DPP9: variants seen among roughly 807,000 people sequenced by gnomAD.
DPP9 encodes the protein dipeptidyl peptidase IV-related protein-2.
Under a neutral mutation model 110.7 loss-of-function variants are expected in DPP9, and 50 were observed. That is an observed-to-expected ratio of 0.45 (90% CI 0.36 to 0.57). The LOEUF is 0.57. Ranked by LOEUF, DPP9 falls within the 20% of genes least tolerant of loss-of-function variation. The pLI is 0.00. For synonymous variants in DPP9, 561 were observed against 514.4 expected, an observed-to-expected ratio of 1.09 and a Z score of -1.23; for missense variants, 1,022 against 1,217.9, an observed-to-expected ratio of 0.84 and a Z score of 2.39.
rs1429342057 is a variant in DPP9 at position 4,679,756 on chromosome 19, C to T, written c.2586+79G>A. 5 of 1,138,528 alleles carry T rather than the reference C, an allele frequency of 4.4e-6. No homozygotes were observed. The Admixed American group carries it at 1.0e-4, about 23-fold the overall frequency. 70.5% of individuals were successfully genotyped at this position (1,138,528 alleles called of 1,614,324 possible). On this transcript the variant is annotated intron_variant, in intron 21 of 21. Transcript: ENST00000262960. ...GGGAGCCCCTGGTCACAGTGGGAAGCCACCCCGCCTCGTCCCACCCCCCAC... is the reference window on the plus strand; with the variant it reads ...GGGAGCCCCTGGTCACAGTGGGAAGTCACCCCGCCTCGTCCCACCCCCCAC...
In DPP9 at chr19:4,685,463, C is replaced by T. The variant is rs1397513179; in HGVS notation, c.2031+163G>A. ...ACAGAGAAAGGAGGGTGAGGGGCCC[C>T]GAGGACCCTGTGTAGTCAGGGCAGG... On this transcript the variant is annotated intron_variant, in intron 17 of 21. Transcript: ENST00000262960. The surrounding 1 kb of genome is among the most constrained non-coding windows in gnomAD (Gnocchi z 5.8). 16 of 826,102 alleles carry T rather than the reference C, an allele frequency of 1.9e-5. No individual in the cohort carries two copies. Among genetic ancestry groups the T allele is most frequent in the Admixed American group, 1.5e-4 (7 of 46,736 alleles). The allele number at this position is 826,102 out of a possible 1,614,324, so 51.2% of individuals were successfully genotyped here. A position where few individuals can be genotyped will look rare whatever the true frequency, so the allele number is the denominator to read the frequency against.
At position 4,676,757 on chromosome 19, in the gene DPP9, G is replaced by T; in HGVS notation, c.2587-101C>A. On this transcript the variant is annotated intron_variant, in intron 21 of 21. Transcript: ENST00000262960. The surrounding 1 kb of genome is among the most constrained non-coding windows in gnomAD (Gnocchi z 4.0). Reference sequence around the variant, plus strand: ...GCTCAGGGCATCCGGGAAGGCGCAGGTGCTCTGAGGCCCAGTGATCTGGGT... The same window carrying T: ...GCTCAGGGCATCCGGGAAGGCGCAGTTGCTCTGAGGCCCAGTGATCTGGGT... 2.2e-6 allele frequency: 2 copies of T among 911,792 alleles called. No individual in the cohort carries two copies. Among genetic ancestry groups the T allele is most frequent in the Non-Finnish European group, 3.5e-6 (2 of 576,666 alleles). 56.5% of individuals were successfully genotyped at this position (911,792 alleles called of 1,614,324 possible).
intron 7 of DPP9, among the ~76,000 whole-genome samples, chr19:4,703,266 G>A (rs2068249539): frequency 6.6e-6 from 1 of 152,136 alleles, no homozygotes; most frequent in African/African-American, 2.4e-5. Context: ...TGCAGGGGCA[G>A]AAATGCCCAG....
In DPP9 at chr19:4,695,272, G is replaced by A. The variant is rs2091694437; in HGVS notation, c.1353+106C>T. The A allele has an allele frequency of 1.6e-6, 2 of 1,276,638 alleles. No individual in the cohort carries two copies. The highest frequency in any genetic ancestry group is 2.7e-5 in the East Asian group (1 of 36,420). 79.1% of individuals were successfully genotyped at this position (1,276,638 alleles called of 1,614,324 possible). The stretch of plus-strand genomic sequence containing the variant: ...GCCTGAGCTCACTTCTCCACACAAG[G>A]GCAAACACCACCTGCCATTGGCGCT... On this transcript the variant is annotated intron_variant, in intron 12 of 21. Coordinates refer to ENST00000262960, the MANE Select transcript of DPP9 (RefSeq NM_139159.5). This position sits in a 1 kb window ranked among gnomAD's most constrained non-coding sequence, Gnocchi z 4.7.
At position 4,702,131 on chromosome 19, in the gene DPP9, C is replaced by T. The variant is rs367692337; in HGVS notation, c.908G>A (p.Arg303Gln). Residue 303 changes from arginine (R) to glutamine (Q), a missense_variant, in exon 9 of 22, where the codon CGA becomes CAA. Physicochemically the swap from Arg to Gln is conservative, Grantham distance 43 (BLOSUM62 1). Around this residue, in one of 3 missense-constraint regions of DPP9, gnomAD observed 810 missense variants for 920.6 expected, o/e 0.88. Coordinates refer to ENST00000262960, the MANE Select transcript of DPP9 (RefSeq NM_139159.5). ...CTCATCGACTTCCTCATACAGGATT[C>T]GCAGCGTCTTGAGGCCCTCTGAACC... ...WEGSEGLKTLRILYEEVDESE... is the reference protein window; with the variant it reads ...WEGSEGLKTLQILYEEVDESE... 1.2e-5 allele frequency: 20 copies of T among 1,613,602 alleles called. No homozygotes were observed. Among genetic ancestry groups the T allele is most frequent in the Middle Eastern group, 1.7e-4 (1 of 6,058 alleles).
chr19:4,705,369 C>T (rs1422752616), intron 5 of DPP9, among the ~76,000 whole-genome samples: 2 of 152,144 alleles, frequency 1.3e-5, no homozygotes, highest in Admixed American at 6.6e-5. Context: ...AACTACAAGG[C>T]GAGTGCCACC....
Position 4,684,010 on chromosome 19 carries a change from C to T in DPP9, c.2179-381G>A. 2 of 402,172 alleles carry T rather than the reference C, an allele frequency of 5.0e-6. No homozygotes were observed. Among genetic ancestry groups the T allele is most frequent in the Non-Finnish European group, 4.7e-6 (1 of 214,360 alleles). 24.9% of individuals were successfully genotyped at this position (402,172 alleles called of 1,614,324 possible). ...GAATGGCTGGTGCCATCGCCGTTGT[C>T]ACTACCAGCCACATCCCCACCACCG... On this transcript the variant is annotated intron_variant, in intron 18 of 21. Transcript: ENST00000262960. The surrounding 1 kb of genome is among the most constrained non-coding windows in gnomAD (Gnocchi z 4.8).
At chr19:4,681,963 C>G (rs2089963954) in intron 20 of DPP9, among the ~76,000 whole-genome samples, 1 of 151,728 alleles carries the variant, frequency 6.6e-6, no homozygotes, top group Non-Finnish European at 1.5e-5. Flanking sequence ...ATTCTCCTGC[C>G]TCAGCCTCCC....
intron 10 of DPP9, 55 bp from the exon 11 acceptor site, chr19:4,697,706 G>T: frequency 6.7e-7 from 1 of 1,488,602 alleles, no homozygotes; most frequent in Non-Finnish European, 9.3e-7. Flanking sequence ...GCGCTGCTCG[G>T]AGGAGAAGGC....
At position 4,682,633 on chromosome 19, in the gene DPP9, C is replaced by T. The variant is rs574399398; in HGVS notation, c.2474+63G>A. ...GGGCAGGAGGGCACCCTCATAGAGA[C>T]AGCTGGTGCCGGGGTGCAGGAGAAG... On this transcript the variant is annotated intron_variant, in intron 20 of 21. Transcript: ENST00000262960. The surrounding 1 kb of genome is among the most constrained non-coding windows in gnomAD (Gnocchi z 7.1). The T allele has an allele frequency of 1.6e-4, 253 of 1,576,614 alleles. 1 individual carries two copies. The highest frequency in any genetic ancestry group is 1.6e-4 in the Non-Finnish European group (185 of 1,162,356).
Position 4,722,821 on chromosome 19 carries a change from C to CA in DPP9, c.-88-271_-88-270insT, listed in dbSNP as rs1369082977. The CA allele has an allele frequency of 2.5e-5, 10 of 399,142 alleles. No individual in the cohort carries two copies. The East Asian group carries it at 4.5e-4, about 18-fold the overall frequency. 24.7% of individuals were successfully genotyped at this position (399,142 alleles called of 1,614,324 possible). A position where few individuals can be genotyped will look rare whatever the true frequency, so the allele number is the denominator to read the frequency against. On this transcript the variant is annotated intron_variant, in intron 1 of 21. Transcript: ENST00000262960. ...CACACCCCCTGGGCTTTAGTCCCAG[C>CA]TCCTCGAAAGCAGGTTGGTTCTTGC... is the stretch of plus-strand genomic sequence containing the variant.
In DPP9 at chr19:4,687,232, C is replaced by T. The variant is rs2090838034; in HGVS notation, c.1886-1461G>A. 1.3e-5 allele frequency among the ~76,000 whole-genome samples: 2 copies of T among 152,142 alleles called. No individual in the cohort carries two copies. Among genetic ancestry groups the T allele is most frequent in the South Asian group, 4.1e-4 (2 of 4,822 alleles). ...TCAGGGGTGAGGGCATCACAAAATG[C>T]TTTCCAGCCCACGGAATACCCCGCA... On this transcript the variant is annotated intron_variant, in intron 16 of 21. Coordinates refer to ENST00000262960, the MANE Select transcript of DPP9 (RefSeq NM_139159.5). The surrounding 1 kb of genome is among the most constrained non-coding windows in gnomAD (Gnocchi z 4.7).
At chr19:4,699,180 A>T (rs1440124644) in intron 10 of DPP9, among the ~76,000 whole-genome samples, 1 of 151,422 alleles carries the variant, frequency 6.6e-6, no homozygotes, top group Non-Finnish European at 1.5e-5. Flanking sequence ...AAAAAAAAAA[A>T]AAAGAATGCA....
In DPP9 at chr19:4,688,910, T is replaced by C. The variant is rs780966461; in HGVS notation, c.1750-18A>G. On this transcript the variant is annotated intron_variant, in intron 15 of 21. Coordinates refer to ENST00000262960, the MANE Select transcript of DPP9 (RefSeq NM_139159.5). The stretch of plus-strand genomic sequence containing the variant: ...TCGAAGTTCTGGGGGTGGAATGGGG[T>C]GATGAGCTCCACGGGATGCCGCTGC... The C allele has an allele frequency of 1.5e-5, 22 of 1,510,832 alleles. No homozygotes were observed. Among genetic ancestry groups the C allele is most frequent in the Non-Finnish European group, 1.7e-5 (20 of 1,147,238 alleles). The allele number at this position is 1,510,832 out of a possible 1,614,324, so 93.6% of individuals were successfully genotyped here.
intron 18 of DPP9, 60 bp from the exon 19 acceptor site, chr19:4,683,689 G>A: frequency 6.2e-7 from 1 of 1,612,744 alleles, no homozygotes; most frequent in Non-Finnish European, 8.5e-7. Flanking sequence ...CTCCCCTGCA[G>A]TGACACCTCT....
intron 16 of DPP9, among the ~76,000 whole-genome samples, chr19:4,686,973 C>T (rs1463045569): frequency 2.0e-5 from 3 of 152,180 alleles, no homozygotes; most frequent in African/African-American, 7.2e-5. Context: ...GCTCCTAATG[C>T]AGGCAGTCTT....
Position 4,712,991 on chromosome 19 carries a change from G to T in DPP9, c.313+1090C>A, listed in dbSNP as rs1313602041. On this transcript the variant is annotated intron_variant, in intron 4 of 21. Coordinates refer to ENST00000262960, the MANE Select transcript of DPP9 (RefSeq NM_139159.5). ...ACCACCATGAGTCCCATGGATGAGT[G>T]CAGCGGTCTGGACAAGGATCCCAGC... 2.0e-5 allele frequency among the ~76,000 whole-genome samples: 3 copies of T among 152,202 alleles called. 1 individual carries two copies. Among genetic ancestry groups the T allele is most frequent in the Admixed American group, 1.3e-4 (2 of 15,272 alleles).
chr19:4,722,311 G>C lies in DPP9; in HGVS notation c.-36+188C>G, dbSNP rs187288903. 7.0e-6 allele frequency: 4 copies of C among 574,172 alleles called. No homozygotes were observed. The Admixed American group carries it at 1.2e-4, about 18-fold the overall frequency. 35.6% of individuals were successfully genotyped at this position (574,172 alleles called of 1,614,324 possible). A position where few individuals can be genotyped will look rare whatever the true frequency, so the allele number is the denominator to read the frequency against. On this transcript the variant is annotated intron_variant, in intron 2 of 21. Transcript: ENST00000262960. ...AAGCTCCTTCCAGGGGCAGCTAGAG[G>C]GGGACAGGGGTGGAAAGAAAAGCCT...
chr19:4,684,690 C>T lies in DPP9; in HGVS notation c.2151G>A (p.Arg717=), dbSNP rs747647899. Residue 717 remains arginine (R), a synonymous_variant, in exon 18 of 22, where the codon CGG becomes CGA. Coordinates refer to ENST00000262960, the MANE Select transcript of DPP9 (RefSeq NM_139159.5). The surrounding 1 kb of genome is among the most constrained non-coding windows in gnomAD (Gnocchi z 4.8). ...TTTGGTTTTTCAGGGCCCCTTCGAA[C>T]CGAAGCCCTCGCTGACAGGAGCCCC... ...DGRGSCQRGL[R]FEGALKNQMG... is the part of the protein sequence containing the mutation. 2 of 1,612,790 alleles carry T rather than the reference C, an allele frequency of 1.2e-6. No individual in the cohort carries two copies. Among genetic ancestry groups the T allele is most frequent in the Non-Finnish European group, 1.7e-6 (2 of 1,179,536 alleles).
Sources: gnomAD v4.1 joint callset for allele counts (sites outside exome capture counted in the v4.1 genomes callset) on GRCh38, gnomAD v4.1.1 for gene constraint, gnomAD v4.1.1 regional missense constraint, Gnocchi (gnomAD v3.1) non-coding constraint, MANE v1.5 for transcripts, NCBI Gene and HGNC (gene_info 2026-07-23, HGNC 2026-07-21) for gene names.